FBXL3: variants seen among roughly 807,000 people sequenced by gnomAD.
The protein encoded by FBXL3 is F-box and leucine rich repeat protein 3, also known as F-box/LRR-repeat protein 3.
A neutral mutation model predicts 37.9 loss-of-function variants in FBXL3; 14 were observed. The observed-to-expected ratio is 0.37, with a 90% CI of 0.24 to 0.58. The LOEUF (loss-of-function observed/expected upper bound fraction) is 0.58. Among genes scored for constraint, FBXL3 ranks in the 20% least tolerant of loss-of-function variants. FBXL3 has a pLI of 0.74. For synonymous variants in FBXL3, 194 were observed against 180.1 expected (o/e 1.08, Z -0.62); for missense variants, 327 against 511.1 (o/e 0.64, Z 3.47).
intron 1 of FBXL3, among the ~76,000 whole-genome samples, chr13:77,024,152 T>G (rs190912455): frequency 6.6e-6 from 1 of 152,206 alleles, no homozygotes; most frequent in African/African-American, 2.4e-5. Flanking sequence ...GAAAAGTGTA[T>G]AGTCTACACT....
intron 1 of FBXL3, among the ~76,000 whole-genome samples, chr13:77,024,143 A>AAT (rs2034797437): frequency 6.6e-6 from 1 of 152,208 alleles, no homozygotes; most frequent in Non-Finnish European, 1.5e-5. Context: ...AAGTTTAGAG[A>AAT]AAAGTGTATA....
At chr13:77,013,319 C>G (rs1453929562) in intron 4 of FBXL3, 1 of 152,180 alleles carries the variant, frequency 6.6e-6, no homozygotes, top group Non-Finnish European at 1.5e-5. Flanking sequence ...AAAAAGACCC[C>G]TCCTTCTTGC....
intron 4 of FBXL3, chr13:77,013,785 T>C (rs904242737): frequency 6.6e-6 from 1 of 152,146 alleles, no homozygotes; most frequent in Non-Finnish European, 1.5e-5. Context: ...GCAATTCCCA[T>C]CTTGATAAAT....
At chr13:77,017,110 G>C (rs923233189) in intron 3 of FBXL3, 1 of 151,730 alleles carries the variant, frequency 6.6e-6, no homozygotes, top group Non-Finnish European at 1.5e-5. Context: ...CCAAAATATT[G>C]CAACGCCCTA....
chr13:77,026,579 C>T (rs1376509059), intron 1 of FBXL3, among the ~76,000 whole-genome samples: 1 of 152,064 alleles, frequency 6.6e-6, no homozygotes, highest in East Asian at 1.9e-4. Flanking sequence ...AGGCGGCCGC[C>T]GCACACGCAC....
At chr13:77,016,029 C>G (rs1427308478) in intron 3 of FBXL3, 1 of 152,158 alleles carries the variant, frequency 6.6e-6, no homozygotes, top group Admixed American at 6.5e-5. Flanking sequence ...TATTCAAAAT[C>G]TATGACAGAC....
At chr13:77,013,793 A>G (rs1057095497) in intron 4 of FBXL3, 2 of 152,146 alleles carry the variant, frequency 1.3e-5, no homozygotes, top group African/African-American at 4.8e-5. Flanking sequence ...CATCTTGATA[A>G]ATCGGTTCTG....
chr13:77,018,592 G>A lies in FBXL3; in HGVS notation c.471+8C>T. On this transcript the variant is annotated splice_region_variant and intron_variant, in intron 3 of 4. Transcript: ENST00000355619. ...AGTAATAGATAATAAAACAAAAACAGCAGATACCTTTGGTAAATCCATAAA... is the reference window on the plus strand; with the variant it reads ...AGTAATAGATAATAAAACAAAAACAACAGATACCTTTGGTAAATCCATAAA... 6.4e-7 allele frequency: 1 copy of A among 1,561,666 alleles called. No homozygotes were observed. Among genetic ancestry groups the A allele is most frequent in the Non-Finnish European group, 8.6e-7 (1 of 1,159,982 alleles).
At position 77,015,647 on chromosome 13, in the gene FBXL3, T is replaced by C; in HGVS notation, c.472-67A>G. 11 of 1,079,006 alleles carry C rather than the reference T, an allele frequency of 1.0e-5. No homozygotes were observed. The South Asian group carries it at 2.0e-4, about 20-fold the overall frequency. The allele number at this position is 1,079,006 out of a possible 1,614,324, so 66.8% of individuals were successfully genotyped here. A position where few individuals can be genotyped will look rare whatever the true frequency, so the allele number is the denominator to read the frequency against. ...TAGAAATGAGAATCAAGGGGTTTCC[T>C]AGTACTACAGTTTATCTGAACCATA... On this transcript the variant is annotated intron_variant, in intron 3 of 4. Coordinates refer to ENST00000355619, the MANE Select transcript of FBXL3 (RefSeq NM_012158.4).
chr13:77,018,125 T>C (rs1160390655), intron 3 of FBXL3: 1 of 152,112 alleles, frequency 6.6e-6, no homozygotes, highest in East Asian at 1.9e-4. Context: ...AGAAAGGATG[T>C]CTTTAAGTCT....
intron 1 of FBXL3, chr13:77,026,400 T>C (rs138836509): frequency 0.021 from 20,720 of 983,536 alleles, 228 homozygotes; most frequent in Non-Finnish European, 0.023. Flanking sequence ...CAGTTTGCTT[T>C]GACATTTCAG....
intron 4 of FBXL3, chr13:77,010,290 A>G (rs567135051): frequency 6.6e-6 from 1 of 152,202 alleles, no homozygotes; most frequent in Non-Finnish European, 1.5e-5. Flanking sequence ...GGGAAATGGT[A>G]GCTAACCATT....
At chr13:77,023,333 GGAGAGA>G (rs576180258) in intron 1 of FBXL3, among the ~76,000 whole-genome samples, 1 of 147,476 alleles carries the variant, frequency 6.8e-6, no homozygotes, top group Non-Finnish European at 1.5e-5. Flanking sequence ...GCTTTAAAAT[GGAGAGA>G]GAGAGAGTGT....
In FBXL3 at chr13:77,018,677, A is replaced by G; in HGVS notation, c.394T>C (p.Ser132Pro). 1.3e-6 allele frequency: 2 copies of G among 1,595,812 alleles called. No homozygotes were observed. Among genetic ancestry groups the G allele is most frequent in the Non-Finnish European group, 1.7e-6 (2 of 1,171,822 alleles). Residue 132 changes from serine to proline, a missense_variant, in exon 3 of 5, where the codon TCG becomes CCG. Physicochemically the swap from Ser to Pro is moderately conservative, Grantham distance 74. Coordinates refer to ENST00000355619, the MANE Select transcript of FBXL3 (RefSeq NM_012158.4). ...ESAEAACDIL[S>P]QLVNCSLKTL... ...TTTAAAGAGCAATTCACAAGTTGCG[A>G]TAGTATATCACAAGCTGCTTCAGCT...
At position 77,018,687 on chromosome 13, in the gene FBXL3, A is replaced by G; in HGVS notation, c.384T>C (p.Cys128=). ...AATTCACAAGTTGCGATAGTATATC[A>G]CAAGCTGCTTCAGCTGATTCCTTGC... ...DSSKESAEAA[C]DILSQLVNCS... The change falls in exon 3 of 5, where the codon TGT becomes TGC. Residue 128 remains cysteine, a synonymous_variant. Transcript: ENST00000355619. 3 of 1,593,956 alleles carry G rather than the reference A, an allele frequency of 1.9e-6. No homozygotes were observed. The highest frequency in any genetic ancestry group is 1.2e-5 in the South Asian group (1 of 86,902).
intron 4 of FBXL3, among the ~76,000 whole-genome samples, chr13:77,011,271 C>T (rs974082226): frequency 7.0e-6 from 1 of 143,258 alleles, no homozygotes; most frequent in African/African-American, 2.7e-5. Context: ...ACCCGGGAGG[C>T]GGAGGTTGCA....
At chr13:77,019,529 ACTTATAGATAAT>A (rs1464952622) in intron 2 of FBXL3, among the ~76,000 whole-genome samples, 6 of 152,198 alleles carry the variant, frequency 3.9e-5, no homozygotes, top group Non-Finnish European at 8.8e-5. Flanking sequence ...TTTCAGAGCT[ACTTATAGATAAT>A]ATGTGGTCCC....
chr13:77,026,726 C>T (rs1441018520), intron 1 of FBXL3, 101 bp downstream of exon 1: 1 of 137,754 alleles, frequency 7.3e-6, no homozygotes, highest in South Asian at 2.3e-4. Context: ...CCCCCGCGCC[C>T]CCCCCCACCC....
chr13:77,007,875 T>G lies in FBXL3; in HGVS notation c.644-87A>C, dbSNP rs938893924. 2.2e-5 allele frequency: 25 copies of G among 1,150,294 alleles called. No homozygotes were observed. The Admixed American group carries it at 6.9e-4, about 32-fold the overall frequency. 71.3% of individuals were successfully genotyped at this position (1,150,294 alleles called of 1,614,324 possible). On this transcript the variant is annotated intron_variant, in intron 4 of 4. Transcript: ENST00000355619. ...ATCAAGTACATGTCCCACAAAAGTT[T>G]GTCACAGTTCCCTTACCACAAAACT...
Sources: allele counts gnomAD v4.1 joint callset (sites outside exome capture counted in the v4.1 genomes callset), GRCh38; gene constraint gnomAD v4.1.1; transcripts MANE v1.5; gene names NCBI Gene and HGNC (gene_info 2026-07-23, HGNC 2026-07-21).